The following ENPP5 variants were observed in gnomAD, a reference collection of about 807,000 sequenced individuals.
The protein encoded by ENPP5 is ectonucleotide pyrophosphatase/phosphodiesterase family member 5.
In ENPP5, 27 loss-of-function variants were observed where a neutral mutation model predicts 33.7. The observed-to-expected ratio is 0.80, with a 90% CI of 0.59 to 1.11. ENPP5 has a LOEUF of 1.11. Among genes scored for constraint, ENPP5 ranks in the 50% least tolerant of loss-of-function variants. ENPP5 has a pLI of 0.00. For missense variants in ENPP5, 552 were observed against 579.2 expected (o/e 0.95, Z 0.48); for synonymous variants, 199 against 200.5 (o/e 0.99, Z 0.06).
chr6:46,166,691 G>A (rs1255353919), intron 3 of ENPP5, among the ~76,000 whole-genome samples: 2 of 151,960 alleles, frequency 1.3e-5, no homozygotes, highest in African/African-American at 4.8e-5. Context: ...TCCCCTCTGA[G>A]GGATGGAATT....
In ENPP5 at chr6:46,168,068, A is replaced by G. The variant is rs1241056829; in HGVS notation, c.195T>C (p.Thr65=). ...MKYGVHVKQV[T]NVFITKTYPN... Reference sequence around the variant, plus strand: ...GGTAGGTTTTTGTAATAAAAACATTAGTAACTTGCTTCACGTGAACACCAT... The same window carrying G: ...GGTAGGTTTTTGTAATAAAAACATTGGTAACTTGCTTCACGTGAACACCAT... The change falls in exon 3 of 5, where the codon ACT becomes ACC. Residue 65 remains threonine, a synonymous_variant. Transcript: ENST00000371383. 1 of 1,614,034 alleles carries G rather than the reference A, an allele frequency of 6.2e-7. No homozygotes were observed. The highest frequency in any genetic ancestry group is 1.1e-5 in the South Asian group (1 of 91,054).
At chr6:46,163,723 A>G (rs1412160883) in intron 4 of ENPP5, among the ~76,000 whole-genome samples, 2 of 152,008 alleles carry the variant, frequency 1.3e-5, no homozygotes, top group Non-Finnish European at 2.9e-5. Flanking sequence ...AATGATTGCA[A>G]TTCTAACTGG....
Position 46,165,531 on chromosome 6 carries a change from G to A in ENPP5, c.862C>T (p.His288Tyr), listed in dbSNP as rs770133627. Reference sequence around the variant, plus strand: ...TAAACAGTAAGATTAGGATGAGCGTGAGTTAGTGCTTCATAGACTTCATCA... The same window carrying A: ...TAAACAGTAAGATTAGGATGAGCGTAAGTTAGTGCTTCATAGACTTCATCA... Reference protein sequence around the residue: ...KFDEVYEALTHAHPNLTVYKK... With the variant: ...KFDEVYEALTYAHPNLTVYKK... The change falls in exon 4 of 5, where the codon CAC becomes TAC. Residue 288 changes from histidine (H) to tyrosine (Y), a missense_variant. Coordinates refer to ENST00000371383, the MANE Select transcript of ENPP5 (RefSeq NM_001290072.2). The A allele has an allele frequency of 6.3e-7, 1 of 1,598,412 alleles. No individual in the cohort carries two copies. The highest frequency in any genetic ancestry group is 1.1e-5 in the South Asian group (1 of 87,470).
rs1764391827 is a variant in ENPP5 at position 46,161,475 on chromosome 6, C to G, written c.1285G>C (p.Gly429Arg). 2 of 1,613,838 alleles carry G rather than the reference C, an allele frequency of 1.2e-6. No individual in the cohort carries two copies. Among genetic ancestry groups the G allele is most frequent in the Non-Finnish European group, 1.7e-6 (2 of 1,179,794 alleles). Residue 429 changes from glycine (G) to arginine (R), a missense_variant, in exon 5 of 5, where the codon GGG (glycine) becomes CGG (arginine). Gly to Arg is a moderately radical substitution (Grantham distance 125). Coordinates refer to ENST00000371383, the MANE Select transcript of ENPP5 (RefSeq NM_001290072.2). ...SVKPAEYDQE[G>R]SYPYFIGVSL... is the part of the protein sequence containing the mutation. The stretch of plus-strand genomic sequence containing the variant: ...ACCCCTATGAAATAAGGGTATGACC[C>G]CTCTTGGTCATATTCTGCTGGTTTA...
chr6:46,165,610 A>G, intron 3 of ENPP5, 47 bp from the exon 4 acceptor site: 3 of 1,371,770 alleles, frequency 2.2e-6, no homozygotes, highest in Non-Finnish European at 2.9e-6. Context: ...ACTCATAGCT[A>G]CCATCAGCCA....
rs1365658764 is a variant in ENPP5 at position 46,161,162 on chromosome 6, CGT to C, written c.*162_*163del. Reference sequence around the variant, plus strand: ...CTTTGCAGGTGTAAGTATTTTGGTCCGTGTGTGTGTATGTGTGTGTGTGTGTG... The same window carrying C: ...CTTTGCAGGTGTAAGTATTTTGGTCCGTGTGTGTATGTGTGTGTGTGTGTG... On this transcript the variant is annotated 3_prime_UTR_variant, in exon 5 of 5. Coordinates refer to ENST00000371383, the MANE Select transcript of ENPP5 (RefSeq NM_001290072.2). 3 of 587,252 alleles carry C rather than the reference CGT, an allele frequency of 5.1e-6. No homozygotes were observed. Among genetic ancestry groups the C allele is most frequent in the Admixed American group, 6.2e-5 (2 of 32,232 alleles). The allele number at this position is 587,252 out of a possible 1,614,324, so 36.4% of individuals were successfully genotyped here.
rs767938786 is a variant in ENPP5 at position 46,161,574 on chromosome 6, G to A, written c.1186C>T (p.Gln396Ter). 2 of 1,613,902 alleles carry A rather than the reference G, an allele frequency of 1.2e-6. No individual in the cohort carries two copies. Among genetic ancestry groups the A allele is most frequent in the African/African-American group, 1.3e-5 (1 of 74,896 alleles). ...GGCATTGCTGAATTGAGCAGATCCT[G>A]GACATTCCAGAATGATCCATTGTGT... Reference protein sequence around the residue: ...MPHNGSFWNVQDLLNSAMPRV... With the variant: ...MPHNGSFWNV Residue 396 changes from glutamine to a stop codon, truncating the protein, a stop_gained, in exon 5 of 5, where the codon CAG becomes TAG. Coordinates refer to ENST00000371383, the MANE Select transcript of ENPP5 (RefSeq NM_001290072.2). LOFTEE classifies it high-confidence loss of function.
intron 2 of ENPP5, 25 bp from the exon 3 acceptor site, chr6:46,168,322 A>G (rs1764620345): frequency 8.7e-7 from 1 of 1,148,376 alleles, no homozygotes; most frequent in African/African-American, 1.5e-5. Flanking sequence ...TATAGAAATT[A>G]AAGGCAATAA....
In ENPP5 at chr6:46,161,586, A is replaced by T. The variant is rs1402026808; in HGVS notation, c.1174T>A (p.Phe392Ile). 2 of 1,614,118 alleles carry T rather than the reference A, an allele frequency of 1.2e-6. No homozygotes were observed. The highest frequency in any genetic ancestry group is 1.7e-6 in the Non-Finnish European group (2 of 1,179,978). ...NITAMPHNGS[F>I]WNVQDLLNSA... ...TTGAGCAGATCCTGGACATTCCAGA[A>T]TGATCCATTGTGTGGCATGGCGGTG... The change falls in exon 5 of 5, where the codon TTC becomes ATC. Residue 392 changes from phenylalanine to isoleucine, a missense_variant. Phe to Ile is a conservative substitution (Grantham distance 21). Coordinates refer to ENST00000371383, the MANE Select transcript of ENPP5 (RefSeq NM_001290072.2).
chr6:46,167,640 A>G lies in ENPP5; in HGVS notation c.623T>C (p.Ile208Thr). ...TCCTAACTTCTTGTCAATATCTGAA[A>G]TGACAGGCCCCATGAGCGGACTGTC... is the stretch of plus-strand genomic sequence containing the variant. ...GPDSPLMGPV[I>T]SDIDKKLGYL... The change falls in exon 3 of 5, where the codon ATT becomes ACT. Residue 208 changes from isoleucine to threonine, a missense_variant. By Grantham distance (89) the Ile-to-Thr change is moderately conservative (BLOSUM62 -1). Transcript: ENST00000371383. 1.2e-6 allele frequency: 2 copies of G among 1,614,206 alleles called. No individual in the cohort carries two copies. Among genetic ancestry groups the G allele is most frequent in the Non-Finnish European group, 1.7e-6 (2 of 1,180,014 alleles).
Position 46,161,355 on chromosome 6 carries a change from C to T in ENPP5, c.1405G>A (p.Glu469Lys), listed in dbSNP as rs1315882326. ...QIPALQDMHA[E>K]IAQPLLQA ...GCTTGTAATAATGGTTGAGCTATTT[C>T]AGCATGCATATCTTGTAAGGCAGGT... Residue 469 changes from glutamate (E) to lysine (K), a missense_variant, in exon 5 of 5, where the codon GAA becomes AAA. Glu to Lys is a moderately conservative substitution (Grantham distance 56). Coordinates refer to ENST00000371383, the MANE Select transcript of ENPP5 (RefSeq NM_001290072.2). The T allele has an allele frequency of 1.9e-6, 3 of 1,613,006 alleles. No individual in the cohort carries two copies. The highest frequency in any genetic ancestry group is 2.5e-6 in the Non-Finnish European group (3 of 1,179,520).
At chr6:46,168,353 C>T in intron 2 of ENPP5, 56 bp from the exon 3 acceptor site, 1 of 762,114 alleles carries the variant, frequency 1.3e-6, no homozygotes. Context: ...TATACTTTAC[C>T]CCAAACTCAG....
chr6:46,168,273 C>T lies in ENPP5; in HGVS notation c.-11G>A. On this transcript the variant is annotated 5_prime_UTR_variant, in exon 3 of 5. Transcript: ENST00000371383. ...AAATTTCGAAGTCATTTTCAAAGTACTTGATCAGTTCAGTGTAAGATAATC... is the reference window on the plus strand; with the variant it reads ...AAATTTCGAAGTCATTTTCAAAGTATTTGATCAGTTCAGTGTAAGATAATC... The T allele has an allele frequency of 6.7e-7, 1 of 1,492,852 alleles. No homozygotes were observed. Among genetic ancestry groups the T allele is most frequent in the Non-Finnish European group, 9.2e-7 (1 of 1,086,020 alleles). 92.5% of individuals were successfully genotyped at this position (1,492,852 alleles called of 1,614,324 possible). A position where few individuals can be genotyped will look rare whatever the true frequency, so the allele number is the denominator to read the frequency against.
Position 46,159,860 on chromosome 6 carries a change from T to C in ENPP5, c.*1466A>G, listed in dbSNP as rs543308045. 6.6e-6 allele frequency: 1 copy of C among 152,324 alleles called. No homozygotes were observed. The highest frequency in any genetic ancestry group is 1.9e-4 in the East Asian group (1 of 5,184). The allele number at this position is 152,324 out of a possible 1,614,324, so 9.4% of individuals were successfully genotyped here. On this transcript the variant is annotated 3_prime_UTR_variant, in exon 5 of 5. Coordinates refer to ENST00000371383, the MANE Select transcript of ENPP5 (RefSeq NM_001290072.2). ...ATGTGTCTGTAAAATGCTATTTTCT[T>C]CAAGGAAAGTCTTTCTTTTCAGGGC... is the stretch of plus-strand genomic sequence containing the variant.
At chr6:46,161,868 A>G in intron 4 of ENPP5, 115 bp from the exon 5 acceptor site, 1 of 752,770 alleles carries the variant, frequency 1.3e-6, no homozygotes, top group Admixed American at 2.3e-5. Context: ...GACTGTAAAC[A>G]TAAAACAATC....
In ENPP5 at chr6:46,168,253, T is replaced by G; in HGVS notation, c.10A>C (p.Lys4Gln). MTS[K>Q]FLLVSFILAA... Reference sequence around the variant, plus strand: ...AGTATGAAGGACACCAAGAGAAATTTCGAAGTCATTTTCAAAGTACTTGAT... The same window carrying G: ...AGTATGAAGGACACCAAGAGAAATTGCGAAGTCATTTTCAAAGTACTTGAT... The change falls in exon 3 of 5, where the codon AAA becomes CAA. Residue 4 changes from lysine to glutamine, a missense_variant. By Grantham distance (53) the Lys-to-Gln change is moderately conservative. Coordinates refer to ENST00000371383, the MANE Select transcript of ENPP5 (RefSeq NM_001290072.2). 1.9e-6 allele frequency: 3 copies of G among 1,574,204 alleles called. No homozygotes were observed. The highest frequency in any genetic ancestry group is 2.6e-6 in the Non-Finnish European group (3 of 1,156,760).
chr6:46,161,544 C>G lies in ENPP5; in HGVS notation c.1216G>C (p.Val406Leu). ...ATAGTACTCTGTGTATAAGGGACCA[C>G]CCTTGGCATTGCTGAATTGAGCAGA... ...QDLLNSAMPR[V>L]VPYTQSTILL... The change falls in exon 5 of 5, where the codon GTG (valine) becomes CTG (leucine). Residue 406 changes from valine to leucine, a missense_variant. Physicochemically the swap from Val to Leu is conservative, Grantham distance 32 (BLOSUM62 1). Transcript: ENST00000371383. 6.2e-7 allele frequency: 1 copy of G among 1,613,918 alleles called. No homozygotes were observed. Among genetic ancestry groups the G allele is most frequent in the South Asian group, 1.1e-5 (1 of 91,074 alleles).
rs1187825516 is a variant in ENPP5 at position 46,159,542 on chromosome 6, A to G, written c.*1784T>C. ...TTCTGGGGAGTTTGCTACCTACCATATACTTTCTCAGCTTTTTAATCTATA... is the reference window on the plus strand; with the variant it reads ...TTCTGGGGAGTTTGCTACCTACCATGTACTTTCTCAGCTTTTTAATCTATA... On this transcript the variant is annotated 3_prime_UTR_variant, in exon 5 of 5. Coordinates refer to ENST00000371383, the MANE Select transcript of ENPP5 (RefSeq NM_001290072.2). 6.6e-6 allele frequency: 1 copy of G among 152,092 alleles called. No homozygotes were observed. The highest frequency in any genetic ancestry group is 1.9e-4 in the East Asian group (1 of 5,186). The allele number at this position is 152,092 out of a possible 1,614,324, so 9.4% of individuals were successfully genotyped here.
In ENPP5 at chr6:46,159,711, T is replaced by C. The variant is rs1196822828; in HGVS notation, c.*1615A>G. On this transcript the variant is annotated 3_prime_UTR_variant, in exon 5 of 5. Transcript: ENST00000371383. ...TAGGAAGCACTTAAATTTGGTTAAA[T>C]TTTTAACTATGTCACTTTAGTTCTT... 1 of 152,230 alleles carries C rather than the reference T, an allele frequency of 6.6e-6. No homozygotes were observed. Among genetic ancestry groups the C allele is most frequent in the Non-Finnish European group, 1.5e-5 (1 of 68,034 alleles). 9.4% of individuals were successfully genotyped at this position (152,230 alleles called of 1,614,324 possible). A position where few individuals can be genotyped will look rare whatever the true frequency, so the allele number is the denominator to read the frequency against.
Sources: allele counts gnomAD v4.1 joint callset (sites outside exome capture counted in the v4.1 genomes callset), GRCh38; gene constraint gnomAD v4.1.1; transcripts MANE v1.5; gene names NCBI Gene and HGNC (gene_info 2026-07-23, HGNC 2026-07-21).